Variants in MLLT1 observed in about 807,000 individuals in gnomAD.
The protein encoded by MLLT1 is protein ENL.
In MLLT1, 11 loss-of-function variants were observed where a neutral mutation model predicts 55.1. That is an observed-to-expected ratio of 0.20 (90% CI 0.13 to 0.33). The LOEUF is 0.33. Ranked by LOEUF, MLLT1 falls within the 10% of genes least tolerant of loss-of-function variation. The pLI, the probability that MLLT1 is intolerant of heterozygous loss-of-function variation, is 1.00. For synonymous variants in MLLT1, 323 were observed against 320.1 expected, an observed-to-expected ratio of 1.01 and a Z score of -0.10; for missense variants, 536 against 760.6, an observed-to-expected ratio of 0.70 and a Z score of 3.47.
chr19:6,258,605 G>A (rs935266128), intron 3 of MLLT1, among the ~76,000 whole-genome samples: 1 of 152,188 alleles, frequency 6.6e-6, no homozygotes, highest in South Asian at 2.1e-4. Context: ...CAAACAAAAT[G>A]CGGCCTCAGT....
At chr19:6,266,748 C>T (rs759277776) in intron 2 of MLLT1, among the ~76,000 whole-genome samples, 12 of 152,138 alleles carry the variant, frequency 7.9e-5, no homozygotes, top group Non-Finnish European at 1.2e-4. Context: ...TGAGCCACTG[C>T]GCCCAGCCAG....
At chr19:6,239,639 ACACT>A (rs927819129) in intron 3 of MLLT1, among the ~76,000 whole-genome samples, 5 of 152,062 alleles carry the variant, frequency 3.3e-5, no homozygotes, top group Non-Finnish European at 7.4e-5. Context: ...CCATGTACAC[ACACT>A]CATACACGTC....
At chr19:6,238,157 G>A (rs919431803) in intron 3 of MLLT1, among the ~76,000 whole-genome samples, 29 of 152,254 alleles carry the variant, frequency 1.9e-4, no homozygotes, top group Middle Eastern at 6.8e-3. Context: ...ACATGAACAC[G>A]TTAATTTTAA....
chr19:6,225,409 G>A (rs1232999617), intron 5 of MLLT1, among the ~76,000 whole-genome samples: 1 of 152,240 alleles, frequency 6.6e-6, no homozygotes, highest in Non-Finnish European at 1.5e-5. Context: ...CAGGCAGAGA[G>A]CCAGTGACCA....
At chr19:6,252,003 T>C (rs1173899716) in intron 3 of MLLT1, among the ~76,000 whole-genome samples, 2 of 152,134 alleles carry the variant, frequency 1.3e-5, no homozygotes, top group East Asian at 3.9e-4. Flanking sequence ...GCATTATTTC[T>C]GGGTGTGTCT....
chr19:6,228,964 C>T (rs373440232), intron 4 of MLLT1, among the ~76,000 whole-genome samples: 15 of 152,168 alleles, frequency 9.9e-5, no homozygotes, highest in Admixed American at 2.6e-4. Context: ...CCTTGCCCCG[C>T]GCCTCCTCCC....
Position 6,211,764 on chromosome 19 carries a change from C to T in MLLT1, c.*1278G>A. On this transcript the variant is annotated 3_prime_UTR_variant, in exon 12 of 12. Coordinates refer to ENST00000252674, the MANE Select transcript of MLLT1 (RefSeq NM_005934.4). The surrounding 1 kb of genome is among the most constrained non-coding windows in gnomAD (Gnocchi z 4.6). ...CCCTGGGACCCCCAGCCACGATGGGCTGGCTCCGCGGGAGCGTCCTGGCCC... is the reference window on the plus strand; with the variant it reads ...CCCTGGGACCCCCAGCCACGATGGGTTGGCTCCGCGGGAGCGTCCTGGCCC... 7.5e-6 allele frequency: 8 copies of T among 1,064,000 alleles called. No individual in the cohort carries two copies. The highest frequency in any genetic ancestry group is 8.0e-6 in the Non-Finnish European group (7 of 878,418). The allele number at this position is 1,064,000 out of a possible 1,614,324, so 65.9% of individuals were successfully genotyped here. A position where few individuals can be genotyped will look rare whatever the true frequency, so the allele number is the denominator to read the frequency against.
intron 3 of MLLT1, among the ~76,000 whole-genome samples, chr19:6,241,422 G>C (rs949343943): frequency 4.6e-5 from 3 of 65,934 alleles, no homozygotes; most frequent in East Asian, 5.5e-4. Context: ...ACAAACAGTC[G>C]GAAAGATGGC....
Position 6,235,851 on chromosome 19 carries a change from T to C in MLLT1, c.277-5138A>G, listed in dbSNP as rs974294205. Among the ~76,000 whole-genome samples, 5 of 152,000 alleles carry C rather than the reference T, an allele frequency of 3.3e-5. No homozygotes were observed. The highest frequency in any genetic ancestry group is 5.9e-5 in the Non-Finnish European group (4 of 67,982). Reference sequence around the variant, plus strand: ...ACATGCTGCCTTCTTCCACGCCTCCTCCACCCAGCTCACCCCTTCCTGACC... The same window carrying C: ...ACATGCTGCCTTCTTCCACGCCTCCCCCACCCAGCTCACCCCTTCCTGACC... On this transcript the variant is annotated intron_variant, in intron 3 of 11. Coordinates refer to ENST00000252674, the MANE Select transcript of MLLT1 (RefSeq NM_005934.4). The surrounding 1 kb of genome is among the most constrained non-coding windows in gnomAD (Gnocchi z 5.5).
Position 6,270,525 on chromosome 19 carries a change from G to T in MLLT1, c.193+54C>A. On this transcript the variant is annotated intron_variant, in intron 2 of 11. Transcript: ENST00000252674. The surrounding 1 kb of genome is among the most constrained non-coding windows in gnomAD (Gnocchi z 7.1). ...GAGGGGTGGAGCCTGGCCTTGGGAG[G>T]AGTGAAGACAGATGGGTCCGTGCTG... The T allele has an allele frequency of 6.5e-7, 1 of 1,540,968 alleles. No homozygotes were observed. Among genetic ancestry groups the T allele is most frequent in the East Asian group, 2.3e-5 (1 of 43,052 alleles).
At position 6,247,562 on chromosome 19, in the gene MLLT1, C is replaced by T. The variant is rs138518600; in HGVS notation, c.276+14666G>A. On this transcript the variant is annotated intron_variant, in intron 3 of 11. Transcript: ENST00000252674. ...GAATACATAAATGGAAGAGAAGGGACGGCTCTTCCTTACTGAAAAATTCCA... is the reference window on the plus strand; with the variant it reads ...GAATACATAAATGGAAGAGAAGGGATGGCTCTTCCTTACTGAAAAATTCCA... Among the ~76,000 whole-genome samples, 941 of 152,236 alleles carry T rather than the reference C, an allele frequency of 6.2e-3. 12 individuals are homozygous for T. Among genetic ancestry groups the T allele is most frequent in the African/African-American group, 0.022 (896 of 41,534 alleles).
intron 5 of MLLT1, among the ~76,000 whole-genome samples, chr19:6,225,065 G>A (rs1017218056): frequency 5.3e-5 from 8 of 152,208 alleles, no homozygotes; most frequent in African/African-American, 1.9e-4. Flanking sequence ...GAACCTCCAC[G>A]GGAAAGAGCA....
At chr19:6,278,477 G>A (rs929395855) in intron 1 of MLLT1, among the ~76,000 whole-genome samples, 3 of 136,038 alleles carry the variant, frequency 2.2e-5, no homozygotes, top group African/African-American at 9.1e-5. Context: ...GAGGCTCTAA[G>A]ATCCTGGGGG....
At position 6,235,085 on chromosome 19, in the gene MLLT1, T is replaced by C. The variant is rs1600188454; in HGVS notation, c.277-4372A>G. Among the ~76,000 whole-genome samples the C allele has an allele frequency of 6.6e-6, 1 of 152,222 alleles. No individual in the cohort carries two copies. Among genetic ancestry groups the C allele is most frequent in the Non-Finnish European group, 1.5e-5 (1 of 68,034 alleles). ...TATTTACACATGAAATGAGGATGTC[T>C]GGGATTTGCTCCAGAATGACCAGGA... On this transcript the variant is annotated intron_variant, in intron 3 of 11. Transcript: ENST00000252674. This position sits in a 1 kb window ranked among gnomAD's most constrained non-coding sequence, Gnocchi z 5.5.
At chr19:6,236,809 C>T (rs1012468120) in intron 3 of MLLT1, among the ~76,000 whole-genome samples, 3 of 152,218 alleles carry the variant, frequency 2.0e-5, no homozygotes, top group Non-Finnish European at 2.9e-5. Context: ...CAGCAGGCTC[C>T]GTGAGCAATG....
In MLLT1 at chr19:6,270,273, A is replaced by G. The variant is rs1448288951; in HGVS notation, c.193+306T>C. 1.3e-5 allele frequency among the ~76,000 whole-genome samples: 2 copies of G among 150,970 alleles called. No homozygotes were observed. Among genetic ancestry groups the G allele is most frequent in the Non-Finnish European group, 3.0e-5 (2 of 67,666 alleles). ...AGGCCCGGTCGGCAACTTCCTGATC[A>G]CTCACCAGCCGGCTGACTTCACCTG... On this transcript the variant is annotated intron_variant, in intron 2 of 11. Transcript: ENST00000252674. The surrounding 1 kb of genome is among the most constrained non-coding windows in gnomAD (Gnocchi z 7.1).
Position 6,219,592 on chromosome 19 carries a change from C to A in MLLT1, c.1111-1551G>T, listed in dbSNP as rs1600173032. On this transcript the variant is annotated intron_variant, in intron 6 of 11. Coordinates refer to ENST00000252674, the MANE Select transcript of MLLT1 (RefSeq NM_005934.4). This position sits in a 1 kb window ranked among gnomAD's most constrained non-coding sequence, Gnocchi z 4.5. ...TTTTCCCAGCACCGCCAGCTGCCTG[C>A]ACACCGAGGCCAAGGCTAGTCCTCC... Among the ~76,000 whole-genome samples the A allele has an allele frequency of 1.3e-5, 2 of 152,320 alleles. No individual in the cohort carries two copies. The highest frequency in any genetic ancestry group is 2.9e-5 in the Non-Finnish European group (2 of 68,026).
chr19:6,214,108 A>G lies in MLLT1; in HGVS notation c.1308-70T>C. The G allele has an allele frequency of 5.8e-6, 6 of 1,029,968 alleles. No individual in the cohort carries two copies. In the South Asian group the frequency reaches 1.4e-4, roughly 23 times the overall value. 63.8% of individuals were successfully genotyped at this position (1,029,968 alleles called of 1,614,324 possible). A position where few individuals can be genotyped will look rare whatever the true frequency, so the allele number is the denominator to read the frequency against. ...GGCCCCCACCCCACCCCCAGGCTCA[A>G]GCCTCTGCCCCGCACGGAGTCGGTG... On this transcript the variant is annotated intron_variant, in intron 8 of 11. Transcript: ENST00000252674.
rs1330717722 is a variant in MLLT1, at chr19:6,230,426, C to T, written c.420+144G>A. ...ACAGGTTGTGGAGCTCCCAGGTCCCCTCCAGCTCTGCTGGGTGCTGCCGTG... is the reference window on the plus strand; with the variant it reads ...ACAGGTTGTGGAGCTCCCAGGTCCCTTCCAGCTCTGCTGGGTGCTGCCGTG... On this transcript the variant is annotated intron_variant, in intron 4 of 11. Transcript: ENST00000252674. The surrounding 1 kb of genome is among the most constrained non-coding windows in gnomAD (Gnocchi z 9.0). 1 of 996,664 alleles carries T rather than the reference C, an allele frequency of 1.0e-6. No homozygotes were observed. Among genetic ancestry groups the T allele is most frequent in the Non-Finnish European group, 1.4e-6 (1 of 694,816 alleles). The allele number at this position is 996,664 out of a possible 1,614,324, so 61.7% of individuals were successfully genotyped here.
Sources: gnomAD v4.1 joint callset for allele counts (sites outside exome capture counted in the v4.1 genomes callset) on GRCh38, gnomAD v4.1.1 for gene constraint, Gnocchi (gnomAD v3.1) non-coding constraint, MANE v1.5 for transcripts, NCBI Gene and HGNC (gene_info 2026-07-23, HGNC 2026-07-21) for gene names.